Variants in HMGA2 observed in about 807,000 individuals in gnomAD.
HMGA2 encodes high mobility group protein HMGI-C.
HMGA2 carries 8 observed loss-of-function variants against 19.1 expected under a neutral mutation model. That is an observed-to-expected ratio of 0.42 (90% confidence interval 0.25 to 0.76). The LOEUF (loss-of-function observed/expected upper bound fraction) is 0.76. HMGA2 is among the 30% of genes least tolerant of loss of function. The pLI is 0.28. For synonymous variants in HMGA2, 60 were observed against 48.8 expected (o/e 1.23, Z -0.96); for missense variants, 109 against 136.3 (o/e 0.80, Z 1.00).
At chr12:65,827,768 A>G (rs755520737) in intron 1 of HMGA2, among the ~76,000 whole-genome samples, 7 of 152,238 alleles carry the variant, frequency 4.6e-5, no homozygotes, top group African/African-American at 7.2e-5. Flanking sequence ...GGTTTGAAGT[A>G]GAATCTAGTT....
At chr12:65,941,448 C>T (rs997163437) in intron 3 of HMGA2, among the ~76,000 whole-genome samples, 19 of 152,076 alleles carry the variant, frequency 1.2e-4, no homozygotes, top group East Asian at 1.9e-4. Context: ...TAATGTTTCT[C>T]GGAGTGAATA....
At position 65,825,534 on chromosome 12, in the gene HMGA2, G is replaced by T. The variant is rs947001408; in HGVS notation, c.111+153G>T. ...CCGGGGGGAGCGGCGCAGACCCCAC[G>T]AGTGCGCCGCGCGGCCCCGGGGCGC... On this transcript the variant is annotated intron_variant, in intron 1 of 4. Coordinates refer to ENST00000403681, the MANE Select transcript of HMGA2 (RefSeq NM_003483.6). The surrounding 1 kb of genome is among the most constrained non-coding windows in gnomAD (Gnocchi z 4.4). Among the ~76,000 whole-genome samples, 196 of 150,506 alleles carry T rather than the reference G, an allele frequency of 1.3e-3. 1 individual carries two copies. Among genetic ancestry groups the T allele is most frequent in the Non-Finnish European group, 2.3e-3 (153 of 67,534 alleles).
At chr12:65,869,994 T>A (rs1872625565) in intron 3 of HMGA2, among the ~76,000 whole-genome samples, 4 of 151,960 alleles carry the variant, frequency 2.6e-5, no homozygotes, top group African/African-American at 9.7e-5. Flanking sequence ...AGCTTTAGGA[T>A]TAAAAGTATT....
chr12:65,944,063 A>G (rs867581540), intron 3 of HMGA2, among the ~76,000 whole-genome samples: 6 of 152,178 alleles, frequency 3.9e-5, no homozygotes, highest in African/African-American at 1.2e-4. Context: ...TCATCCTCAC[A>G]ATGTTGCATC....
chr12:65,861,364 TCAAAA>T (rs149375057), intron 3 of HMGA2, among the ~76,000 whole-genome samples: 19 of 152,078 alleles, frequency 1.2e-4, no homozygotes, highest in South Asian at 1.0e-3. Flanking sequence ...AGACTCCGTC[TCAAAA>T]CAAAACAAAA....
chr12:65,877,245 C>G (rs1873091958), intron 3 of HMGA2: 1 of 152,186 alleles, frequency 6.6e-6, no homozygotes, highest in Admixed American at 6.5e-5. Context: ...GCTGCACTTT[C>G]CCAAGCAATG....
At chr12:65,902,710 T>G (rs566161605) in intron 3 of HMGA2, among the ~76,000 whole-genome samples, 1 of 152,288 alleles carries the variant, frequency 6.6e-6, no homozygotes, top group Middle Eastern at 3.4e-3. Context: ...TTGGTATCTT[T>G]TTACATTCAG....
At position 65,824,716 on chromosome 12, in the gene HMGA2, TC is replaced by T. The variant is rs1870028691; in HGVS notation, c.-554del. 1.5e-4 allele frequency: 4 copies of T among 26,340 alleles called. 1 individual carries two copies. The highest frequency in any genetic ancestry group is 1.3e-3 in the East Asian group (3 of 2,330). 1.6% of individuals were successfully genotyped at this position (26,340 alleles called of 1,614,324 possible). On this transcript the variant is annotated 5_prime_UTR_variant, in exon 1 of 5. Transcript: ENST00000403681. ...AGGCACTTTCAATCTCAATCTCTTCTCTCTCTCTCTCTCTCTCTCTCTCTCT... is the reference window on the plus strand; with the variant it reads ...AGGCACTTTCAATCTCAATCTCTTCTTCTCTCTCTCTCTCTCTCTCTCTCT...
chr12:65,840,937 G>A (rs139564189), intron 3 of HMGA2, among the ~76,000 whole-genome samples: 142 of 152,092 alleles, frequency 9.3e-4, no homozygotes, highest in Middle Eastern at 3.4e-3. Context: ...TCCTATAATG[G>A]TCACCAATTC....
At chr12:65,882,003 C>T in intron 3 of HMGA2, 1 of 685,306 alleles carries the variant, frequency 1.5e-6, no homozygotes, top group Non-Finnish European at 2.7e-6. Flanking sequence ...CCTGGGCGGT[C>T]AGTCGCTGGC....
chr12:65,899,299 C>G (rs1173509457), intron 3 of HMGA2, among the ~76,000 whole-genome samples: 1 of 152,154 alleles, frequency 6.6e-6, no homozygotes, highest in Non-Finnish European at 1.5e-5. Context: ...CATTTGGGAG[C>G]AAGTCCTTTC....
At chr12:65,946,199 A>T (rs1278808656) in intron 3 of HMGA2, among the ~76,000 whole-genome samples, 1 of 152,192 alleles carries the variant, frequency 6.6e-6, no homozygotes, top group East Asian at 1.9e-4. Context: ...TATTGCTATG[A>T]GAATGGAAAA....
intron 3 of HMGA2, among the ~76,000 whole-genome samples, chr12:65,894,477 A>T (rs1874042709): frequency 6.6e-6 from 1 of 152,170 alleles, no homozygotes; most frequent in African/African-American, 2.4e-5. Flanking sequence ...TTTGCGCTTA[A>T]ATTTATTTCT....
chr12:65,931,194 T>A (rs992381059), intron 3 of HMGA2, among the ~76,000 whole-genome samples: 13 of 152,176 alleles, frequency 8.5e-5, no homozygotes, highest in African/African-American at 2.9e-4. Flanking sequence ...GTTATTGGAT[T>A]TTTTTTAACC....
At chr12:65,852,395 C>T (rs566927945) in intron 3 of HMGA2, among the ~76,000 whole-genome samples, 7 of 152,072 alleles carry the variant, frequency 4.6e-5, no homozygotes, top group Admixed American at 1.3e-4. Context: ...CCCAGCTACT[C>T]GGGAGACTGA....
chr12:65,849,374 C>G (rs149222791), intron 3 of HMGA2, among the ~76,000 whole-genome samples: 1 of 152,198 alleles, frequency 6.6e-6, no homozygotes, highest in African/African-American at 2.4e-5. Context: ...ATTCTTGGCA[C>G]TGGATGCACA....
intron 3 of HMGA2, among the ~76,000 whole-genome samples, chr12:65,869,421 C>T (rs989702773): frequency 3.3e-5 from 5 of 152,106 alleles, no homozygotes; most frequent in Admixed American, 2.6e-4. Flanking sequence ...AATCTGACAC[C>T]ATAGCCCATG....
chr12:65,867,746 T>A (rs1872503507), intron 3 of HMGA2: 1 of 243,160 alleles, frequency 4.1e-6, no homozygotes, highest in Admixed American at 4.2e-5. Context: ...GAGGAAAAGA[T>A]CTGAATTAAC....
At chr12:65,851,652 T>C (rs1871474462) in intron 3 of HMGA2, 2 of 444,274 alleles carry the variant, frequency 4.5e-6, no homozygotes, top group African/African-American at 4.0e-5. Flanking sequence ...AAAGCGAGAC[T>C]CTGTCTCAAA....
Sources: allele counts gnomAD v4.1 joint callset (sites outside exome capture counted in the v4.1 genomes callset), GRCh38; gene constraint gnomAD v4.1.1; non-coding constraint Gnocchi (gnomAD v3.1); transcripts MANE v1.5; gene names NCBI Gene and HGNC (gene_info 2026-07-23, HGNC 2026-07-21).